Variants in ACSF2 observed in about 807,000 individuals in gnomAD.
ACSF2 encodes the protein acyl-CoA synthetase family member 2, also known as medium-chain acyl-CoA ligase ACSF2, mitochondrial.
A neutral mutation model predicts 79.3 loss-of-function variants in ACSF2; 52 were observed. The ratio of observed to expected loss-of-function variants is 0.66; its 90% CI spans 0.53 to 0.83. The LOEUF (loss-of-function observed/expected upper bound fraction) is 0.83. Ranked by LOEUF, ACSF2 falls within the 40% of genes least tolerant of loss-of-function variation. The probability of loss-of-function intolerance (pLI) is 0.00; values close to 1 mark genes in which losing one functional copy is unlikely to be tolerated. For missense variants in ACSF2, 661 were observed against 803.3 expected, an observed-to-expected ratio of 0.82 and a Z score of 2.14; for synonymous variants, 283 against 312.6, an observed-to-expected ratio of 0.91 and a Z score of 1.00.
chr17:50,433,858 C>T (rs533737297), intron 1 of ACSF2, among the ~76,000 whole-genome samples: 1 of 152,052 alleles, frequency 6.6e-6, no homozygotes, highest in South Asian at 2.1e-4. Context: ...CTGCTGGGCT[C>T]AAGCGATCCT....
At chr17:50,451,273 T>G (rs2031660344) in intron 1 of ACSF2, among the ~76,000 whole-genome samples, 1 of 152,144 alleles carries the variant, frequency 6.6e-6, no homozygotes, top group African/African-American at 2.4e-5. Flanking sequence ...TCAGTTCTTT[T>G]GGGCATATAT....
At chr17:50,434,871 T>C (rs2030259661) in intron 1 of ACSF2, among the ~76,000 whole-genome samples, 1 of 152,038 alleles carries the variant, frequency 6.6e-6, no homozygotes. Context: ...ATCTTTTTTT[T>C]TTCTTTTTTT....
intron 1 of ACSF2, among the ~76,000 whole-genome samples, chr17:50,434,704 T>G (rs1388272966): frequency 6.6e-6 from 1 of 152,034 alleles, no homozygotes; most frequent in Non-Finnish European, 1.5e-5. Flanking sequence ...AATTTTTTTT[T>G]TTTTTACTGT....
intron 1 of ACSF2, among the ~76,000 whole-genome samples, chr17:50,451,408 C>A (rs1457839214): frequency 6.6e-6 from 1 of 152,174 alleles, no homozygotes; most frequent in African/African-American, 2.4e-5. Flanking sequence ...ATAAGGATTA[C>A]AGTGTCCTCA....
intron 1 of ACSF2, among the ~76,000 whole-genome samples, chr17:50,446,002 C>G (rs576021468): frequency 6.6e-6 from 1 of 152,310 alleles, no homozygotes; most frequent in East Asian, 1.9e-4. Context: ...GAAAACACAG[C>G]CTCAGGAAGG....
chr17:50,467,688 A>G (rs1393832902), intron 10 of ACSF2, among the ~76,000 whole-genome samples: 1 of 152,204 alleles, frequency 6.6e-6, no homozygotes, highest in Admixed American at 6.5e-5. Flanking sequence ...GAGACGGGAA[A>G]AACAGCAGAG....
intron 10 of ACSF2, among the ~76,000 whole-genome samples, chr17:50,467,525 T>C (rs1377723466): frequency 1.3e-5 from 2 of 152,160 alleles, no homozygotes; most frequent in Non-Finnish European, 2.9e-5. Flanking sequence ...CTCAGGCATT[T>C]GCTTCCCCTC....
chr17:50,470,044 G>C (rs1220573851), intron 10 of ACSF2: 1 of 152,490 alleles, frequency 6.6e-6, no homozygotes, highest in Non-Finnish European at 1.5e-5. Flanking sequence ...TCTGTGATGA[G>C]GGGTGGAAGG....
At chr17:50,449,730 A>C (rs2143624509) in intron 1 of ACSF2, among the ~76,000 whole-genome samples, 1 of 152,250 alleles carries the variant, frequency 6.6e-6, no homozygotes, top group African/African-American at 2.4e-5. Flanking sequence ...TTTCCTTTTT[A>C]AAAATTGCTT....
intron 5 of ACSF2, 43 bp downstream of exon 5, chr17:50,462,345 C>G: frequency 6.2e-7 from 1 of 1,612,424 alleles, no homozygotes; most frequent in Non-Finnish European, 8.5e-7. Flanking sequence ...CATTCAGCAT[C>G]CCTGATTCCT....
rs536504272 is a variant in ACSF2 at position 50,472,691 on chromosome 17, C to T, written c.1475+112C>T. 5.2e-5 allele frequency: 67 copies of T among 1,297,096 alleles called. 1 individual carries two copies. Among genetic ancestry groups the T allele is most frequent in the Non-Finnish European group, 6.4e-5 (62 of 967,252 alleles). 80.3% of individuals were successfully genotyped at this position (1,297,096 alleles called of 1,614,324 possible). On this transcript the variant is annotated intron_variant, in intron 12 of 15. Transcript: ENST00000300441. ...CGTGAGGATGTGGGTATCAAGATGACCCCTCACATGCTGGAGTCTTAATTT... is the reference window on the plus strand; with the variant it reads ...CGTGAGGATGTGGGTATCAAGATGATCCCTCACATGCTGGAGTCTTAATTT...
intron 12 of ACSF2, chr17:50,472,800 C>A: frequency 2.2e-6 from 1 of 457,004 alleles, no homozygotes; most frequent in Non-Finnish European, 3.7e-6. Flanking sequence ...GCTGCAAAAT[C>A]TGAGTCCAGA....
At chr17:50,450,876 T>C (rs1423366697) in intron 1 of ACSF2, among the ~76,000 whole-genome samples, 1 of 152,224 alleles carries the variant, frequency 6.6e-6, no homozygotes, top group East Asian at 1.9e-4. Flanking sequence ...GACATTTGGT[T>C]TGTTTCCGCC....
At chr17:50,461,141 G>C in intron 2 of ACSF2, 101 bp from the exon 3 acceptor site, 1 of 1,545,064 alleles carries the variant, frequency 6.5e-7, no homozygotes, top group Non-Finnish European at 8.8e-7. Context: ...TTTGTCCCCA[G>C]TGACTGTGAT....
At chr17:50,433,636 A>G (rs891110511) in intron 1 of ACSF2, among the ~76,000 whole-genome samples, 9 of 152,036 alleles carry the variant, frequency 5.9e-5, no homozygotes, top group African/African-American at 2.2e-4. Context: ...TCCTGACTCC[A>G]AGTATTTCAG....
At chr17:50,443,352 G>A (rs1412744242) in intron 1 of ACSF2, among the ~76,000 whole-genome samples, 1 of 152,178 alleles carries the variant, frequency 6.6e-6, no homozygotes, top group Non-Finnish European at 1.5e-5. Flanking sequence ...CAGAATGTTA[G>A]TAGATATTAC....
At chr17:50,453,396 C>T (rs575970946) in intron 1 of ACSF2, among the ~76,000 whole-genome samples, 26 of 152,070 alleles carry the variant, frequency 1.7e-4, no homozygotes, top group Middle Eastern at 3.4e-3. Context: ...TTAGTAGAGA[C>T]GGGGTTGCAC....
chr17:50,473,316 G>A (rs2033202430), intron 12 of ACSF2: 1 of 276,940 alleles, frequency 3.6e-6, no homozygotes, highest in South Asian at 6.3e-5. Flanking sequence ...TAGGGTTATA[G>A]GAGAGAAAGT....
chr17:50,468,850 C>T (rs2032936933), intron 10 of ACSF2: 18 of 1,452,642 alleles, frequency 1.2e-5, no homozygotes, highest in Non-Finnish European at 1.6e-5. Flanking sequence ...GGGGCAGCAG[C>T]GGCGGCGGGG....
Sources: gnomAD v4.1 joint callset for allele counts (sites outside exome capture counted in the v4.1 genomes callset) on GRCh38, gnomAD v4.1.1 for gene constraint, MANE v1.5 for transcripts, NCBI Gene and HGNC (gene_info 2026-07-23, HGNC 2026-07-21) for gene names.